ATR: variants seen among roughly 807,000 people sequenced by gnomAD.
ATR encodes the protein ATR checkpoint kinase, also known as serine/threonine-protein kinase ATR.
ATR carries 142 observed loss-of-function variants against 305.3 expected under a neutral mutation model. The observed-to-expected ratio is 0.47, with a 90% CI of 0.41 to 0.53. The LOEUF (loss-of-function observed/expected upper bound fraction) is 0.53, where lower values mean the gene tolerates loss of function less well. Ranked by LOEUF, ATR falls within the 20% of genes least tolerant of loss-of-function variation. The pLI is 0.00. For synonymous variants in ATR, 1,050 were observed against 1,068.1 expected, an observed-to-expected ratio of 0.98 and a Z score of 0.33; for missense variants, 2,135 against 3,133.1, an observed-to-expected ratio of 0.68 and a Z score of 7.60.
intron 1 of ATR, among the ~76,000 whole-genome samples, chr3:142,575,454 G>A (rs1242442325): frequency 7.1e-6 from 1 of 140,930 alleles, no homozygotes; most frequent in Non-Finnish European, 1.5e-5. Context: ...ACTGGAGAGG[G>A]CGAGACTCCG....
chr3:142,562,459 G>C lies in ATR; in HGVS notation c.943C>G (p.Pro315Ala), dbSNP rs2034917114. 1.2e-6 allele frequency: 2 copies of C among 1,614,030 alleles called. No individual in the cohort carries two copies. The highest frequency in any genetic ancestry group is 1.7e-6 in the Non-Finnish European group (2 of 1,179,950). Residue 315 changes from proline (P) to alanine (A), a missense_variant, in exon 4 of 47, where the codon CCT (proline) becomes GCT (alanine). Physicochemically the swap from Pro to Ala is conservative, Grantham distance 27. Transcript: ENST00000350721. ...TCCAGCAGCATATTTAAATAGACAG[G>C]TTCAATATTTCTATAAGCTTCTGCT... ...FEAEAYRNIE[P>A]VYLNMLLEKL...
intron 35 of ATR, among the ~76,000 whole-genome samples, chr3:142,486,704 T>TATG (rs1254784522): frequency 6.6e-6 from 1 of 152,058 alleles, no homozygotes; most frequent in Admixed American, 6.6e-5. Flanking sequence ...CAGAAACATA[T>TATG]ATGAATCTTA....
intron 16 of ATR, among the ~76,000 whole-genome samples, chr3:142,546,426 T>G (rs1459474491): frequency 6.6e-6 from 1 of 152,210 alleles, no homozygotes; most frequent in Non-Finnish European, 1.5e-5. Flanking sequence ...GTGTAAATGT[T>G]TGTGTGTATG....
rs1184743643 is a variant in ATR, at chr3:142,549,643, C to T, written c.3007G>A (p.Ala1003Thr). ...GAAGCTGCAGGGCTTGCTTTGGCAG[C>T]AAGATCAGGTAGTAGAACTTGTAAT... ...RTLQVLLPDL[A>T]AKASPAASAL... Residue 1003 changes from alanine (A) to threonine (T), a missense_variant, in exon 15 of 47, where the codon GCT becomes ACT. Around this residue, in one of 9 missense-constraint regions of ATR, gnomAD observed 530 missense variants for 766.8 expected, o/e 0.69. Coordinates refer to ENST00000350721, the MANE Select transcript of ATR (RefSeq NM_001184.4). 1 of 1,613,432 alleles carries T rather than the reference C, an allele frequency of 6.2e-7. No individual in the cohort carries two copies.
intron 36 of ATR, among the ~76,000 whole-genome samples, chr3:142,484,215 C>T (rs2030752295): frequency 6.6e-6 from 1 of 152,124 alleles, no homozygotes; most frequent in Non-Finnish European, 1.5e-5. Flanking sequence ...GCCCCATATC[C>T]TAGAGGAAGG....
chr3:142,461,731 A>C (rs953720423), intron 42 of ATR, among the ~76,000 whole-genome samples: 4 of 152,144 alleles, frequency 2.6e-5, no homozygotes, highest in Non-Finnish European at 4.4e-5. Context: ...GTTGGGATGA[A>C]GACAGGGAAG....
intron 15 of ATR, among the ~76,000 whole-genome samples, chr3:142,548,566 G>T (rs1469614183): frequency 6.6e-6 from 1 of 151,974 alleles, no homozygotes; most frequent in Non-Finnish European, 1.5e-5. Context: ...CTACTCAGGA[G>T]GCTAAGGCAG....
intron 2 of ATR, 90 bp from the exon 3 acceptor site, chr3:142,566,351 C>A (rs1277817420): frequency 2.1e-6 from 3 of 1,428,074 alleles, no homozygotes; most frequent in Non-Finnish European, 1.9e-6. Context: ...AGGCAAGGTG[C>A]CTCACTCCTG....
intron 45 of ATR, among the ~76,000 whole-genome samples, chr3:142,456,548 G>C (rs1442615055): frequency 6.6e-6 from 1 of 151,920 alleles, no homozygotes; most frequent in Non-Finnish European, 1.5e-5. Flanking sequence ...CTCCAGACTG[G>C]GTGACAGAGC....
Position 142,515,451 on chromosome 3 carries a change from A to G in ATR, c.4447T>C (p.Leu1483=), listed in dbSNP as rs577577577. The G allele has an allele frequency of 2.0e-5, 32 of 1,613,624 alleles. 1 individual carries two copies. The South Asian group carries it at 3.2e-4, about 16-fold the overall frequency. The change falls in exon 25 of 47, where the codon TTG becomes CTG. Residue 1483 remains leucine (L), a synonymous_variant. Coordinates refer to ENST00000350721, the MANE Select transcript of ATR (RefSeq NM_001184.4). Reference sequence around the variant, plus strand: ...GACCATTCTGCAAAGTTACTACCCAATTTACTTAAGTAAATTGGCTTCTTT... The same window carrying G: ...GACCATTCTGCAAAGTTACTACCCAGTTTACTTAAGTAAATTGGCTTCTTT... ...GVKKPIYLSK[L]GSNFAEWSAS...
Position 142,500,057 on chromosome 3 carries a change from A to G in ATR, c.5289-339T>C, listed in dbSNP as rs116083911. The G allele has an allele frequency of 8.1e-3, 1,791 of 222,272 alleles. 37 individuals carry two copies. The highest frequency in any genetic ancestry group is 0.041 in the African/African-American group (1,718 of 42,322). 13.8% of individuals were successfully genotyped at this position (222,272 alleles called of 1,614,324 possible). A position where few individuals can be genotyped will look rare whatever the true frequency, so the allele number is the denominator to read the frequency against. Reference sequence around the variant, plus strand: ...AGCTGCATGCTTAATTTGAACAAAGAGCAAGGAAGAAAAAGAGCCAACTGA... The same window carrying G: ...AGCTGCATGCTTAATTTGAACAAAGGGCAAGGAAGAAAAAGAGCCAACTGA... On this transcript the variant is annotated intron_variant, in intron 30 of 46. Transcript: ENST00000350721.
At chr3:142,569,650 T>C (rs1223102274) in intron 1 of ATR, among the ~76,000 whole-genome samples, 1 of 150,648 alleles carries the variant, frequency 6.6e-6, no homozygotes, top group Non-Finnish European at 1.5e-5. Context: ...ATTTTTTTTG[T>C]TTTTTGGTTT....
rs2034403921 is a variant in ATR, at chr3:142,549,662, T to A, written c.2988A>T (p.Gln996His). 1 of 1,613,500 alleles carries A rather than the reference T, an allele frequency of 6.2e-7. No individual in the cohort carries two copies. Among genetic ancestry groups the A allele is most frequent in the African/African-American group, 1.3e-5 (1 of 74,914 alleles). The change falls in exon 15 of 47, where the codon CAA becomes CAT. Residue 996 changes from glutamine (Q) to histidine (H), a missense_variant. Gln to His is a conservative substitution (Grantham distance 24). Coordinates refer to ENST00000350721, the MANE Select transcript of ATR (RefSeq NM_001184.4). The part of the protein sequence containing the change: ...DLNRFLTRTL[Q>H]VLLPDLAAKA... Reference sequence around the variant, plus strand: ...TGGCAGCAAGATCAGGTAGTAGAACTTGTAATGTCCTCTGAAAAAGAATGC... The same window carrying A: ...TGGCAGCAAGATCAGGTAGTAGAACATGTAATGTCCTCTGAAAAAGAATGC...
chr3:142,514,807 C>CAAAAAAAA (rs56770183), intron 25 of ATR, among the ~76,000 whole-genome samples: 1 of 99,864 alleles, frequency 1.0e-5, no homozygotes, highest in Non-Finnish European at 1.9e-5. Context: ...GACTCCGTCA[C>CAAAAAAAA]AAAAAAAAAA....
rs59776073 is a variant in ATR, at chr3:142,520,902, A to T, written c.4267-1118T>A. Among the ~76,000 whole-genome samples the T allele has an allele frequency of 5.6e-4, 86 of 152,336 alleles. 1 individual carries two copies. In the East Asian group the frequency reaches 0.016, roughly 28 times the overall value. ...ATTCTGTTGGAAGAAGATGCTATCC[A>T]GGACTTTCACAGCTAGAGAGGAGAA... On this transcript the variant is annotated intron_variant, in intron 23 of 46. Coordinates refer to ENST00000350721, the MANE Select transcript of ATR (RefSeq NM_001184.4).
chr3:142,485,014 G>A, intron 36 of ATR, 126 bp downstream of exon 36: 2 of 1,369,542 alleles, frequency 1.5e-6, no homozygotes, highest in Non-Finnish European at 2.0e-6. Flanking sequence ...TCTTATCTAA[G>A]GTGATACACT....
At position 142,540,849 on chromosome 3, in the gene ATR, T is replaced by C. The variant is rs112212979; in HGVS notation, c.3581+55A>G. 0.02 allele frequency: 30,300 copies of C among 1,535,216 alleles called. 381 individuals carry two copies. Among genetic ancestry groups the C allele is most frequent in the South Asian group, 0.041 (3,370 of 83,074 alleles). ...TCAAAGAGATAAGAATTCAAGTTAG[T>C]GCTACTGGAAAATGCAAAAAAAAAA... is the stretch of plus-strand genomic sequence containing the variant. On this transcript the variant is annotated intron_variant, in intron 18 of 46. Coordinates refer to ENST00000350721, the MANE Select transcript of ATR (RefSeq NM_001184.4).
At chr3:142,512,196 G>A (rs977283065) in intron 27 of ATR, 64 bp downstream of exon 27, 1 of 1,354,696 alleles carries the variant, frequency 7.4e-7, no homozygotes, top group Non-Finnish European at 1.0e-6. Context: ...AACTGATAAA[G>A]GGAAGAGCTA....
intron 22 of ATR, among the ~76,000 whole-genome samples, chr3:142,523,237 T>C (rs1171517994): frequency 6.6e-6 from 1 of 152,000 alleles, no homozygotes; most frequent in Non-Finnish European, 1.5e-5. Flanking sequence ...CTGGCCAATA[T>C]GGTGAAAGCC....
Sources: allele counts gnomAD v4.1 joint callset (sites outside exome capture counted in the v4.1 genomes callset), GRCh38; gene constraint gnomAD v4.1.1; regional missense constraint gnomAD v4.1.1; transcripts MANE v1.5; gene names NCBI Gene and HGNC (gene_info 2026-07-23, HGNC 2026-07-21).